Variants in SEMA4D observed in about 807,000 individuals in gnomAD.
SEMA4D encodes the protein semaphorin 4D, also known as semaphorin-4D.
Under a neutral mutation model 74.8 loss-of-function variants are expected in SEMA4D, and 22 were observed. That is an observed-to-expected ratio of 0.29 (90% CI 0.21 to 0.42). The LOEUF is 0.42. Among genes scored for constraint, SEMA4D ranks in the 10% least tolerant of loss-of-function variants. The pLI is 1.00. For synonymous variants in SEMA4D, 445 were observed against 463.7 expected, an observed-to-expected ratio of 0.96 and a Z score of 0.52; for missense variants, 937 against 1,118.4, an observed-to-expected ratio of 0.84 and a Z score of 2.31.
At chr9:89,439,100 G>A (rs1440203221) in intron 2 of SEMA4D, among the ~76,000 whole-genome samples, 1 of 145,486 alleles carries the variant, frequency 6.9e-6, no homozygotes, top group African/African-American at 2.5e-5. Flanking sequence ...TCCTGCCTCC[G>A]CCTCCTGAGT....
chr9:89,433,944 G>C (rs943856021), intron 2 of SEMA4D, among the ~76,000 whole-genome samples: 3 of 152,218 alleles, frequency 2.0e-5, no homozygotes, highest in Admixed American at 6.5e-5. Flanking sequence ...TGGATGCTAT[G>C]ATGAGCTGCA....
chr9:89,465,386 C>T (rs1450030939), intron 1 of SEMA4D, among the ~76,000 whole-genome samples: 3 of 152,126 alleles, frequency 2.0e-5, no homozygotes, highest in African/African-American at 7.2e-5. Flanking sequence ...AATCATCACT[C>T]ACAAGAGAAC....
At chr9:89,429,489 A>G (rs1231057155) in intron 2 of SEMA4D, among the ~76,000 whole-genome samples, 4 of 152,204 alleles carry the variant, frequency 2.6e-5, no homozygotes, top group Non-Finnish European at 4.4e-5. Context: ...AGTGTCTGAC[A>G]CTACAGGCAT....
At chr9:89,449,517 C>A (rs1391526448) in intron 2 of SEMA4D, 2 of 753,514 alleles carry the variant, frequency 2.7e-6, no homozygotes, top group Non-Finnish European at 2.5e-6. Flanking sequence ...GGCAGAGGGG[C>A]GGCTCAGGGG....
intron 2 of SEMA4D, among the ~76,000 whole-genome samples, chr9:89,443,201 T>G (rs949765198): frequency 5.3e-5 from 8 of 152,202 alleles, no homozygotes; most frequent in Non-Finnish European, 1.0e-4. Context: ...GGCGGGATTA[T>G]GACCACCCAC....
chr9:89,363,390 G>C, intron 18 of SEMA4D: 1 of 1,602,562 alleles, frequency 6.2e-7, no homozygotes, highest in South Asian at 1.1e-5. Flanking sequence ...CCTGCCCCTG[G>C]CTCCAGCCCT....
chr9:89,396,882 C>T, intron 5 of SEMA4D, 47 bp from the exon 6 acceptor site: 1 of 1,529,704 alleles, frequency 6.5e-7, no homozygotes, highest in Non-Finnish European at 9.0e-7. Flanking sequence ...AGCCCAGATG[C>T]CCTCCACTAT....
chr9:89,411,164 AT>A (rs1844452046), intron 2 of SEMA4D, among the ~76,000 whole-genome samples: 1 of 152,226 alleles, frequency 6.6e-6, no homozygotes, highest in African/African-American at 2.4e-5. Context: ...TACTGATTGC[AT>A]CTGTGGCTTT....
At chr9:89,480,715 CG>C (rs1298818445) in intron 1 of SEMA4D, among the ~76,000 whole-genome samples, 14 of 152,218 alleles carry the variant, frequency 9.2e-5, no homozygotes, top group Middle Eastern at 3.2e-3. Context: ...GCTCCGAGTG[CG>C]GGGCCCACCA....
chr9:89,490,025 CCCT>C (rs1825502587), intron 1 of SEMA4D, among the ~76,000 whole-genome samples: 1 of 152,008 alleles, frequency 6.6e-6, no homozygotes, highest in Non-Finnish European at 1.5e-5. Flanking sequence ...TTTCCCTCCA[CCCT>C]CCTTTTTTTT....
intron 1 of SEMA4D, among the ~76,000 whole-genome samples, chr9:89,479,358 C>T (rs1862581064): frequency 6.6e-6 from 1 of 152,224 alleles, no homozygotes; most frequent in South Asian, 2.1e-4. Context: ...GCTTTTCGCC[C>T]AGCTCAGCCA....
intron 2 of SEMA4D, among the ~76,000 whole-genome samples, chr9:89,422,630 A>G (rs1178153945): frequency 6.6e-6 from 1 of 152,234 alleles, no homozygotes; most frequent in Non-Finnish European, 1.5e-5. Flanking sequence ...ACGGCTGTGC[A>G]ATATTCCATA....
intron 1 of SEMA4D, among the ~76,000 whole-genome samples, chr9:89,461,702 T>TCTCTC (rs1299633604): frequency 2.6e-5 from 1 of 37,796 alleles, no homozygotes; most frequent in East Asian, 5.6e-4. Flanking sequence ...TTTTTTCTCT[T>TCTCTC]TTTTTTTTTT....
At chr9:89,437,670 C>T (rs1326286536) in intron 2 of SEMA4D, among the ~76,000 whole-genome samples, 1 of 152,174 alleles carries the variant, frequency 6.6e-6, no homozygotes, top group Non-Finnish European at 1.5e-5. Flanking sequence ...TCAAGGGGTC[C>T]CAGGGAGGGA....
At chr9:89,400,986 G>T (rs565543025) in intron 4 of SEMA4D, among the ~76,000 whole-genome samples, 3 of 152,208 alleles carry the variant, frequency 2.0e-5, no homozygotes, top group African/African-American at 7.2e-5. Context: ...ACAGACACGC[G>T]AAGAGTAAGA....
At chr9:89,391,169 A>G in intron 9 of SEMA4D, 95 bp downstream of exon 9, 1 of 1,221,094 alleles carries the variant, frequency 8.2e-7, no homozygotes, top group Non-Finnish European at 1.2e-6. Context: ...TGCTAGGGAA[A>G]GTGACATTTG....
Position 89,363,857 on chromosome 9 carries a change from G to GC in SEMA4D, c.1975dup (p.Ala659GlyfsTer16). 6.2e-7 allele frequency: 1 copy of GC among 1,614,084 alleles called. No individual in the cohort carries two copies. The highest frequency in any genetic ancestry group is 1.6e-4 in the Middle Eastern group (1 of 6,062). On this transcript the variant is annotated frameshift_variant, in exon 17 of 19. Coordinates refer to the SEMA4D transcript ENST00000339861. LOFTEE classifies it high-confidence loss of function. ...GTCCTGCAGCCAGCTGAGTGCATGG[G>GC]CCCTGCCATCGGGCAGTGCATGGGT...
chr9:89,379,763 GAGATAA>G, intron 15 of SEMA4D, 134 bp from the exon 16 acceptor site: 1 of 1,105,124 alleles, frequency 9.0e-7, no homozygotes, highest in Non-Finnish European at 1.3e-6. Flanking sequence ...AACAACTAAG[GAGATAA>G]AGACATGCGT....
chr9:89,387,264 C>A, intron 12 of SEMA4D, 122 bp downstream of exon 12: 1 of 813,116 alleles, frequency 1.2e-6, no homozygotes, highest in Non-Finnish European at 1.9e-6. Context: ...CACAAACCTC[C>A]CAGGTCACCT....
Sources: gnomAD v4.1 joint callset for allele counts (sites outside exome capture counted in the v4.1 genomes callset) on GRCh38, gnomAD v4.1.1 for gene constraint, MANE v1.5 for transcripts, NCBI Gene and HGNC (gene_info 2026-07-23, HGNC 2026-07-21) for gene names.